The following KIAA1549 variants were observed in gnomAD, a reference collection of about 807,000 sequenced individuals.
The protein encoded by KIAA1549 is KIAA1549.
Under a neutral mutation model 156.4 loss-of-function variants are expected in KIAA1549, and 70 were observed. The ratio of observed to expected loss-of-function variants is 0.45; its 90% CI spans 0.37 to 0.55. The LOEUF (loss-of-function observed/expected upper bound fraction) is 0.55, where lower values mean the gene tolerates loss of function less well. KIAA1549 is among the 20% of genes least tolerant of loss of function. KIAA1549 has a pLI of 0.00. For missense variants in KIAA1549, 2,428 were observed against 2,540.9 expected, an observed-to-expected ratio of 0.96 and a Z score of 0.96; for synonymous variants, 1,103 against 1,066.4, an observed-to-expected ratio of 1.03 and a Z score of -0.67.
Position 138,837,877 on chromosome 7 carries a change from T to C in KIAA1549, c.*29A>G. On this transcript the variant is annotated 3_prime_UTR_variant, in exon 20 of 20. Coordinates refer to ENST00000422774, the MANE Select transcript of KIAA1549 (RefSeq NM_001164665.2). ...TGGTCTTGCTTCCACAGGAAGCGGA[T>C]ACTTGGCAAATCTGCGAGGCGAGGC... 6.2e-7 allele frequency: 1 copy of C among 1,606,882 alleles called. No homozygotes were observed. The highest frequency in any genetic ancestry group is 1.1e-5 in the South Asian group (1 of 89,592).
At chr7:138,943,998 C>G (rs1813270538) in intron 1 of KIAA1549, among the ~76,000 whole-genome samples, 1 of 151,338 alleles carries the variant, frequency 6.6e-6, no homozygotes, top group Non-Finnish European at 1.5e-5. Context: ...AACTCCTGGG[C>G]TCAAGTGGTC....
chr7:138,873,317 C>T (rs757009221), intron 12 of KIAA1549, among the ~76,000 whole-genome samples: 1 of 152,152 alleles, frequency 6.6e-6, no homozygotes, highest in Non-Finnish European at 1.5e-5. Flanking sequence ...TCTTTCTTGG[C>T]CCCATACCTA....
chr7:138,913,454 T>C (rs1299384060), intron 2 of KIAA1549, among the ~76,000 whole-genome samples: 1 of 152,232 alleles, frequency 6.6e-6, no homozygotes, highest in Non-Finnish European at 1.5e-5. Context: ...TCTCTCAGTA[T>C]TTAGTAAGCG....
intron 9 of KIAA1549, among the ~76,000 whole-genome samples, chr7:138,896,944 GATCAAACTGGACC>G (rs1378459722): frequency 6.6e-6 from 1 of 152,094 alleles, no homozygotes; most frequent in East Asian, 1.9e-4. Context: ...GGCAGAGGTT[GATCAAACTGGACC>G]CTGACACCAG....
In KIAA1549 at chr7:138,834,742, T is replaced by C. The variant is rs910010985; in HGVS notation, c.*3164A>G. The stretch of plus-strand genomic sequence containing the variant: ...TGTGTGAACCCATTCACCGCAGTAG[T>C]GCAGCGTTTCACATCACTCATCCTA... On this transcript the variant is annotated 3_prime_UTR_variant, in exon 20 of 20. Transcript: ENST00000422774. 4 of 232,672 alleles carry C rather than the reference T, an allele frequency of 1.7e-5. No homozygotes were observed. Among genetic ancestry groups the C allele is most frequent in the Non-Finnish European group, 3.4e-5 (4 of 117,746 alleles). The allele number at this position is 232,672 out of a possible 1,614,324, so 14.4% of individuals were successfully genotyped here. A position where few individuals can be genotyped will look rare whatever the true frequency, so the allele number is the denominator to read the frequency against.
intron 10 of KIAA1549, among the ~76,000 whole-genome samples, chr7:138,890,735 C>G (rs1811522990): frequency 6.6e-6 from 1 of 152,230 alleles, no homozygotes; most frequent in South Asian, 2.1e-4. Flanking sequence ...GCTCACAGAG[C>G]CTCTTTTCAA....
At chr7:138,903,159 C>A (rs886940932) in intron 8 of KIAA1549, among the ~76,000 whole-genome samples, 5 of 152,122 alleles carry the variant, frequency 3.3e-5, no homozygotes, top group African/African-American at 1.2e-4. Context: ...AAGCAGAGGG[C>A]AGCACGTCTC....
intron 12 of KIAA1549, among the ~76,000 whole-genome samples, chr7:138,871,687 T>C (rs1810943013): frequency 6.6e-6 from 1 of 152,236 alleles, no homozygotes; most frequent in South Asian, 2.1e-4. Flanking sequence ...AGAAGGAGCC[T>C]GAAGTTGCTC....
chr7:138,927,516 T>G (rs1812754840), intron 1 of KIAA1549, among the ~76,000 whole-genome samples: 1 of 152,244 alleles, frequency 6.6e-6, no homozygotes, highest in Non-Finnish European at 1.5e-5. Flanking sequence ...CGCATGCCAG[T>G]AGTTCCAGCT....
In KIAA1549 at chr7:138,918,147, A is replaced by C. The variant is rs1812408035; in HGVS notation, c.1479T>G (p.Leu493=). The stretch of plus-strand genomic sequence containing the variant: ...CTGAGATTTCCATGGATCTAGAAGA[A>C]AGTGGGACGATAGGTCTGGAGGGGA... ...TLFPSRPIVP[L]SSRSMEISET... Residue 493 remains leucine (L), a synonymous_variant, in exon 2 of 20, where the codon CTT becomes CTG. Transcript: ENST00000422774. The surrounding 1 kb of genome is among the most constrained non-coding windows in gnomAD (Gnocchi z 4.2). 2 of 1,614,002 alleles carry C rather than the reference A, an allele frequency of 1.2e-6. No individual in the cohort carries two copies.
chr7:138,937,832 A>G (rs1268210027), intron 1 of KIAA1549, among the ~76,000 whole-genome samples: 2 of 152,116 alleles, frequency 1.3e-5, no homozygotes, highest in Non-Finnish European at 2.9e-5. Context: ...CCAATGATAG[A>G]GATTGGTGAT....
At chr7:138,862,506 AAAAAAAAAAAAGAAAAAG>A (rs965687840) in intron 15 of KIAA1549, among the ~76,000 whole-genome samples, 6 of 151,190 alleles carry the variant, frequency 4.0e-5, no homozygotes, top group African/African-American at 1.5e-4. Flanking sequence ...AGACTCTTAA[AAAAAAAAAAAAGAAAAAG>A]AAAAAAAAAA....
chr7:138,964,697 G>A (rs1813961895), intron 1 of KIAA1549, among the ~76,000 whole-genome samples: 1 of 152,196 alleles, frequency 6.6e-6, no homozygotes, highest in Non-Finnish European at 1.5e-5. Flanking sequence ...TTACCTATGA[G>A]TTGGGCAAAG....
At position 138,885,051 on chromosome 7, in the gene KIAA1549, C is replaced by T. The variant is rs138069678; in HGVS notation, c.4033-3467G>A. On this transcript the variant is annotated intron_variant, in intron 10 of 19. Transcript: ENST00000422774. Reference sequence around the variant, plus strand: ...TCTCTACTAAAAATACAAAATTAGACGGGCGTGGTGGCACGTGCCTGTAAT... The same window carrying T: ...TCTCTACTAAAAATACAAAATTAGATGGGCGTGGTGGCACGTGCCTGTAAT... Among the ~76,000 whole-genome samples the T allele has an allele frequency of 5.6e-3, 857 of 152,230 alleles. 6 individuals carry two copies. The highest frequency in any genetic ancestry group is 0.02 in the African/African-American group (833 of 41,542).
intron 3 of KIAA1549, 125 bp downstream of exon 3, chr7:138,912,247 A>T (rs1219190072): frequency 1.4e-6 from 1 of 736,954 alleles, no homozygotes; most frequent in Non-Finnish European, 2.4e-6. Flanking sequence ...CTTAACCAGG[A>T]ACAGACAAGA....
intron 14 of KIAA1549, among the ~76,000 whole-genome samples, chr7:138,869,042 C>T (rs1268235451): frequency 6.6e-6 from 1 of 152,142 alleles, no homozygotes. Context: ...GTCTGGGAGA[C>T]CAGGGGAAGG....
intron 18 of KIAA1549, among the ~76,000 whole-genome samples, chr7:138,843,282 G>A (rs1010783705): frequency 2.6e-5 from 4 of 152,166 alleles, no homozygotes; most frequent in Admixed American, 6.5e-5. Flanking sequence ...TTGAAATGGT[G>A]CATTATGGTG....
intron 16 of KIAA1549, among the ~76,000 whole-genome samples, chr7:138,859,349 T>C (rs1445169300): frequency 1.3e-5 from 2 of 152,096 alleles, no homozygotes; most frequent in African/African-American, 4.8e-5. Context: ...GGCTTCAACA[T>C]GTGATTTTGG....
Position 138,832,540 on chromosome 7 carries a change from A to C in KIAA1549, c.*5366T>G. 5.0e-6 allele frequency: 1 copy of C among 199,904 alleles called. No homozygotes were observed. 12.4% of individuals were successfully genotyped at this position (199,904 alleles called of 1,614,324 possible). A position where few individuals can be genotyped will look rare whatever the true frequency, so the allele number is the denominator to read the frequency against. ...AGAAATGTGAAGTGACCCCTGAAAA[A>C]CCTGGAGGAAGAAGGAAAAGGAAGG... On this transcript the variant is annotated 3_prime_UTR_variant, in exon 20 of 20. Coordinates refer to ENST00000422774, the MANE Select transcript of KIAA1549 (RefSeq NM_001164665.2).
Sources: gnomAD v4.1 joint callset for allele counts (sites outside exome capture counted in the v4.1 genomes callset) on GRCh38, gnomAD v4.1.1 for gene constraint, Gnocchi (gnomAD v3.1) non-coding constraint, MANE v1.5 for transcripts, NCBI Gene and HGNC (gene_info 2026-07-23, HGNC 2026-07-21) for gene names.